LPP: variants seen among roughly 807,000 people sequenced by gnomAD.
LPP encodes LIM domain containing preferred translocation partner in lipoma.
Under a neutral mutation model 60.4 loss-of-function variants are expected in LPP, and 38 were observed. The ratio of observed to expected loss-of-function variants is 0.63; its 90% CI spans 0.49 to 0.83. The LOEUF (loss-of-function observed/expected upper bound fraction) is 0.83. LPP is among the 40% of genes least tolerant of loss of function. The pLI is 0.00. For missense variants in LPP, 902 were observed against 783.6 expected, an observed-to-expected ratio of 1.15 and a Z score of -1.80; for synonymous variants, 328 against 290.8, an observed-to-expected ratio of 1.13 and a Z score of -1.30.
At chr3:188,412,608 T>C (rs903719188) in intron 4 of LPP, among the ~76,000 whole-genome samples, 1 of 152,196 alleles carries the variant, frequency 6.6e-6, no homozygotes, top group Non-Finnish European at 1.5e-5. Flanking sequence ...CTTACGAATT[T>C]TAAATGCTTT....
At chr3:188,451,038 GTGTTTTT>G (rs1213878709) in intron 4 of LPP, among the ~76,000 whole-genome samples, 13 of 152,128 alleles carry the variant, frequency 8.5e-5, no homozygotes, top group African/African-American at 2.9e-4. Flanking sequence ...ACTAGGCTCT[GTGTTTTT>G]TGTTTTTTGT....
intron 1 of LPP, among the ~76,000 whole-genome samples, chr3:188,174,152 A>G (rs1340009431): frequency 5.3e-5 from 8 of 152,252 alleles, no homozygotes; most frequent in Admixed American, 5.2e-4. Context: ...GAAGATTGGG[A>G]CAAGCTGGTG....
chr3:188,846,208 A>C (rs1018629373), intron 9 of LPP, among the ~76,000 whole-genome samples: 5 of 152,216 alleles, frequency 3.3e-5, no homozygotes, highest in Non-Finnish European at 4.4e-5. Flanking sequence ...ATACCACAGG[A>C]GTATACCCGC....
chr3:188,798,721 G>A (rs1025056639), intron 9 of LPP, among the ~76,000 whole-genome samples: 1 of 152,182 alleles, frequency 6.6e-6, no homozygotes, highest in Non-Finnish European at 1.5e-5. Context: ...AATTAATGTA[G>A]CCATATGTTG....
At chr3:188,640,362 C>G (rs1246155429) in intron 7 of LPP, among the ~76,000 whole-genome samples, 1 of 108,712 alleles carries the variant, frequency 9.2e-6, no homozygotes, top group African/African-American at 3.7e-5. Flanking sequence ...ACTCTGGGGA[C>G]TGTTGTGGGG....
intron 4 of LPP, among the ~76,000 whole-genome samples, chr3:188,463,792 C>T (rs1438474007): frequency 6.6e-6 from 1 of 152,140 alleles, no homozygotes; most frequent in African/African-American, 2.4e-5. Context: ...GTCATTTAAC[C>T]AGCTTTTGTT....
chr3:188,818,762 G>A (rs768894088), intron 9 of LPP, among the ~76,000 whole-genome samples: 12 of 152,122 alleles, frequency 7.9e-5, no homozygotes, highest in Non-Finnish European at 1.3e-4. Flanking sequence ...ATAAAAAAAT[G>A]GAATAAGCCT....
intron 1 of LPP, among the ~76,000 whole-genome samples, chr3:188,204,289 G>T (rs1371389965): frequency 6.6e-6 from 1 of 152,090 alleles, no homozygotes; most frequent in East Asian, 1.9e-4. Context: ...TCATCCTGGA[G>T]GCCTTGAGTC....
intron 4 of LPP, among the ~76,000 whole-genome samples, chr3:188,420,216 GTA>G (rs1787424673): frequency 6.6e-6 from 1 of 152,076 alleles, no homozygotes; most frequent in African/African-American, 2.4e-5. Flanking sequence ...TTGGCTTGGT[GTA>G]TGTTTGTCCT....
chr3:188,660,425 T>C (rs1160267661), intron 7 of LPP, among the ~76,000 whole-genome samples: 1 of 152,234 alleles, frequency 6.6e-6, no homozygotes, highest in African/African-American at 2.4e-5. Context: ...ATTATGTTAT[T>C]CTCATAGTCA....
At chr3:188,462,602 G>A (rs1463606381) in intron 4 of LPP, among the ~76,000 whole-genome samples, 5 of 119,110 alleles carry the variant, frequency 4.2e-5, no homozygotes, top group East Asian at 2.2e-4. Flanking sequence ...GTGTGTGTGT[G>A]TGTGTGTGTG....
intron 4 of LPP, among the ~76,000 whole-genome samples, chr3:188,417,096 A>C (rs1450068405): frequency 1.3e-5 from 2 of 152,072 alleles, no homozygotes; most frequent in Non-Finnish European, 2.9e-5. Flanking sequence ...CACCTGGGGC[A>C]GAGGAGTATA....
At chr3:188,801,576 A>T (rs1476873556) in intron 9 of LPP, among the ~76,000 whole-genome samples, 6 of 152,204 alleles carry the variant, frequency 3.9e-5, no homozygotes, top group Non-Finnish European at 5.9e-5. Context: ...GAGTAGCTGA[A>T]CTGGGCCAAG....
chr3:188,362,736 C>T (rs1041114070), intron 3 of LPP, among the ~76,000 whole-genome samples: 1 of 152,132 alleles, frequency 6.6e-6, no homozygotes, highest in African/African-American at 2.4e-5. Context: ...GAGATAAGGT[C>T]ACTGCGGAAG....
chr3:188,574,669 G>GAAAT (rs1834203947), intron 6 of LPP, among the ~76,000 whole-genome samples: 1 of 152,056 alleles, frequency 6.6e-6, no homozygotes. Context: ...TGTGAGCACA[G>GAAAT]GTGTAAGTAA....
intron 8 of LPP, among the ~76,000 whole-genome samples, chr3:188,724,937 A>G (rs1717811291): frequency 6.6e-6 from 1 of 152,236 alleles, no homozygotes; most frequent in Non-Finnish European, 1.5e-5. Context: ...TCATCAGTCA[A>G]AAGAGTTCAG....
intron 4 of LPP, among the ~76,000 whole-genome samples, chr3:188,447,787 A>G (rs145532965): frequency 5.3e-5 from 8 of 152,206 alleles, no homozygotes; most frequent in African/African-American, 1.9e-4. Flanking sequence ...GAAGAAAAAA[A>G]AAAGGTGACT....
In LPP at chr3:188,880,163, T is replaced by A; in HGVS notation, c.*5684T>A. 1 of 162,138 alleles carries A rather than the reference T, an allele frequency of 6.2e-6. No homozygotes were observed. Among genetic ancestry groups the A allele is most frequent in the East Asian group, 1.4e-4 (1 of 7,354 alleles). 10.0% of individuals were successfully genotyped at this position (162,138 alleles called of 1,614,324 possible). ...CTCCTGTCTCAGCCTCCCGAGTAGC[T>A]GGGACTACAGGCGCCTGCCACCACG... On this transcript the variant is annotated 3_prime_UTR_variant, in exon 12 of 12. Transcript: ENST00000617246.
intron 4 of LPP, among the ~76,000 whole-genome samples, chr3:188,419,980 CAAAA>C (rs1373861771): frequency 6.6e-6 from 1 of 151,954 alleles, no homozygotes; most frequent in Non-Finnish European, 1.5e-5. Context: ...TAAGTCATGA[CAAAA>C]TAATGACAAA....
Sources: gnomAD v4.1 joint callset for allele counts (sites outside exome capture counted in the v4.1 genomes callset) on GRCh38, gnomAD v4.1.1 for gene constraint, MANE v1.5 for transcripts, NCBI Gene and HGNC (gene_info 2026-07-23, HGNC 2026-07-21) for gene names.